Variants in TYW1 observed in about 807,000 individuals in gnomAD.
TYW1 encodes tRNA-yW synthesizing protein 1 homolog, also known as S-adenosyl-L-methionine-dependent tRNA 4-demethylwyosine synthase TYW1.
A neutral mutation model predicts 96.2 loss-of-function variants in TYW1; 46 were observed. That is an observed-to-expected ratio of 0.48 (90% CI 0.38 to 0.61). The LOEUF (loss-of-function observed/expected upper bound fraction) is 0.61, where lower values mean the gene tolerates loss of function less well. Ranked by LOEUF, TYW1 falls within the 20% of genes least tolerant of loss-of-function variation. TYW1 has a pLI of 0.00. For missense variants in TYW1, 684 were observed against 909.6 expected (o/e 0.75, Z 3.19); for synonymous variants, 274 against 323.0 (o/e 0.85, Z 1.63).
rs190355660 is a variant in TYW1 at position 67,227,383 on chromosome 7, C to T, written c.1978-10925C>T. ...TTGATTCTCCTGCCTCAGCCTCCTA[C>T]GTAGCTGGGATTACAGGCATGCACC... is the stretch of plus-strand genomic sequence containing the variant. On this transcript the variant is annotated intron_variant, in intron 15 of 15. Coordinates refer to ENST00000359626, the MANE Select transcript of TYW1 (RefSeq NM_018264.4). Among the ~76,000 whole-genome samples the T allele has an allele frequency of 6.8e-3, 1,039 of 152,160 alleles. 6 individuals carry two copies. The highest frequency in any genetic ancestry group is 0.01 in the Non-Finnish European group (690 of 67,956).
At chr7:67,184,633 TTTTATTTTATTTTATTTATG>T (rs1327471011) in intron 14 of TYW1, among the ~76,000 whole-genome samples, 2,824 of 77,158 alleles carry the variant, frequency 0.037, 57 homozygotes, top group East Asian at 0.075. Flanking sequence ...TTTTATTTTA[TTTTATTTTATTTTATTTATG>T]TTATGTTATG....
rs1181507713 is a variant in TYW1, at chr7:67,210,895, T to TCCAA, written c.1977+15561_1977+15562insACCA. Among the ~76,000 whole-genome samples the TCCAA allele has an allele frequency of 7.7e-3, 895 of 115,516 alleles. 8 individuals are homozygous for TCCAA. Among genetic ancestry groups the TCCAA allele is most frequent in the African/African-American group, 0.022 (702 of 31,712 alleles). 75.8% of individuals were successfully genotyped at this position (115,516 alleles called of 152,430 possible). On this transcript the variant is annotated intron_variant, in intron 15 of 15. Coordinates refer to ENST00000359626, the MANE Select transcript of TYW1 (RefSeq NM_018264.4). ...ATCTATCCATCTGTCCATCCATCTA[T>TCCAA]CCATCTGTCCATCCATCTATCCAAC...
At chr7:67,134,114 C>T (rs1359929526) in intron 13 of TYW1, among the ~76,000 whole-genome samples, 1 of 151,888 alleles carries the variant, frequency 6.6e-6, no homozygotes, top group African/African-American at 2.4e-5. Context: ...TCCTCAGTGC[C>T]GCGGATAGTG....
intron 5 of TYW1, among the ~76,000 whole-genome samples, chr7:67,016,277 G>T (rs1410122176): frequency 6.9e-6 from 1 of 145,670 alleles, no homozygotes; most frequent in Non-Finnish European, 1.5e-5. Flanking sequence ...GCCGGGCGCA[G>T]TGGCACACTC....
chr7:67,062,150 C>G (rs1341968736), intron 9 of TYW1, among the ~76,000 whole-genome samples: 1 of 152,026 alleles, frequency 6.6e-6, no homozygotes, highest in East Asian at 1.9e-4. Context: ...GTGGCTCACC[C>G]CTGTAATTCC....
intron 10 of TYW1, among the ~76,000 whole-genome samples, chr7:67,074,744 C>A (rs961558251): frequency 6.6e-6 from 1 of 152,124 alleles, no homozygotes; most frequent in Non-Finnish European, 1.5e-5. Context: ...GCCTCAGTTT[C>A]TCAACTGTAG....
intron 8 of TYW1, among the ~76,000 whole-genome samples, chr7:67,055,006 C>T (rs1795463841): frequency 6.6e-6 from 1 of 152,106 alleles, no homozygotes; most frequent in South Asian, 2.1e-4. Flanking sequence ...TTTTAATCTC[C>T]CATTGACATC....
intron 7 of TYW1, among the ~76,000 whole-genome samples, chr7:67,029,297 C>T (rs1716981918): frequency 1.3e-5 from 1 of 74,460 alleles, no homozygotes; most frequent in African/African-American, 4.4e-5. Flanking sequence ...CTGATATGGA[C>T]TTAAGATTTA....
chr7:67,183,498 TA>T (rs894557703), intron 14 of TYW1, among the ~76,000 whole-genome samples: 8 of 152,160 alleles, frequency 5.3e-5, no homozygotes, highest in Non-Finnish European at 5.9e-5. Flanking sequence ...AGTGAGTCAT[TA>T]AAAACCATGT....
At position 67,047,560 on chromosome 7, in the gene TYW1, A is replaced by G. The variant is rs189256021; in HGVS notation, c.985-2389A>G. Among the ~76,000 whole-genome samples, 236 of 152,236 alleles carry G rather than the reference A, an allele frequency of 1.6e-3. 7 individuals carry two copies. The East Asian group carries it at 0.042, about 27-fold the overall frequency. On this transcript the variant is annotated intron_variant, in intron 7 of 15. Coordinates refer to ENST00000359626, the MANE Select transcript of TYW1 (RefSeq NM_018264.4). ...ATTAAGAACCCTATTACTGGAAGCA[A>G]AAATGTTCATTTGCCTTGCATTTTG...
chr7:67,068,311 C>T (rs960154690), intron 10 of TYW1, among the ~76,000 whole-genome samples: 18 of 152,130 alleles, frequency 1.2e-4, no homozygotes, highest in Admixed American at 5.9e-4. Context: ...CGTGAGCCAC[C>T]GCACCCAGCC....
intron 15 of TYW1, among the ~76,000 whole-genome samples, chr7:67,212,340 T>C (rs1054030892): frequency 7.6e-6 from 1 of 131,236 alleles, no homozygotes; most frequent in East Asian, 2.2e-4. Flanking sequence ...TTTTTTTTTT[T>C]ATTGGCAAAT....
chr7:67,065,662 CA>C, intron 9 of TYW1, among the ~76,000 whole-genome samples: 1 of 147,770 alleles, frequency 6.8e-6, no homozygotes, highest in East Asian at 2.0e-4. Flanking sequence ...TTAATTAAAA[CA>C]AAAAATAGTT....
intron 6 of TYW1, among the ~76,000 whole-genome samples, chr7:67,021,333 C>A (rs1023218920): frequency 3.3e-5 from 5 of 152,294 alleles, no homozygotes; most frequent in Admixed American, 2.6e-4. Flanking sequence ...GCTACATTTT[C>A]TTCCCATGTC....
intron 15 of TYW1, among the ~76,000 whole-genome samples, chr7:67,197,088 C>T (rs1467663132): frequency 6.6e-6 from 1 of 152,186 alleles, no homozygotes; most frequent in East Asian, 1.9e-4. Flanking sequence ...TTAATCTTGG[C>T]CCCTGTCTCT....
chr7:67,043,956 G>C (rs1795104627), intron 7 of TYW1, among the ~76,000 whole-genome samples: 1 of 152,020 alleles, frequency 6.6e-6, no homozygotes, highest in African/African-American at 2.4e-5. Flanking sequence ...ATTTATTAAA[G>C]AAATAGGAAT....
At chr7:67,088,871 T>G (rs1186867999) in intron 11 of TYW1, among the ~76,000 whole-genome samples, 1 of 152,218 alleles carries the variant, frequency 6.6e-6, no homozygotes, top group African/African-American at 2.4e-5. Flanking sequence ...CACCTGGCCT[T>G]AATTTTCATT....
intron 9 of TYW1, among the ~76,000 whole-genome samples, chr7:67,066,033 C>CACACACACA (rs1554356615): frequency 2.9e-5 from 3 of 104,274 alleles, no homozygotes; most frequent in African/African-American, 3.9e-5. Flanking sequence ...ACACACACAC[C>CACACACACA]CACACCCCTA....
intron 13 of TYW1, among the ~76,000 whole-genome samples, chr7:67,134,541 C>CA (rs397947738): frequency 0.01 from 1,392 of 137,150 alleles, 7 homozygotes; most frequent in African/African-American, 0.021. Context: ...GACTTCATCT[C>CA]AAAAAAAAAA....
Sources: allele counts gnomAD v4.1 joint callset (sites outside exome capture counted in the v4.1 genomes callset), GRCh38; gene constraint gnomAD v4.1.1; transcripts MANE v1.5; gene names NCBI Gene and HGNC (gene_info 2026-07-23, HGNC 2026-07-21).